Variants in ZKSCAN7 observed in about 807,000 individuals in gnomAD.
ZKSCAN7 encodes zinc finger protein with KRAB and SCAN domains 7.
A neutral mutation model predicts 65.3 loss-of-function variants in ZKSCAN7; 38 were observed. The observed-to-expected ratio is 0.58, with a 90% confidence interval of 0.45 to 0.76. The LOEUF (loss-of-function observed/expected upper bound fraction) is 0.76, where lower values mean the gene tolerates loss of function less well. ZKSCAN7 is among the 30% of genes least tolerant of loss of function. The probability of loss-of-function intolerance (pLI) is 0.00; values close to 1 mark genes in which losing one functional copy is unlikely to be tolerated. For missense variants in ZKSCAN7, 815 were observed against 913.3 expected (o/e 0.89, Z 1.39); for synonymous variants, 321 against 321.0 (o/e 1.00, Z 0.00).
rs1342122675 is a variant in ZKSCAN7, at chr3:44,571,219, C to T, written c.2109C>T (p.Ser703=). 1.2e-6 allele frequency: 2 copies of T among 1,614,118 alleles called. No individual in the cohort carries two copies. The highest frequency in any genetic ancestry group is 4.5e-5 in the East Asian group (2 of 44,852). ...ATTGTGGGAAAGCTTTTAGTGACAGCTCACAGCTTATTGTACACCAGAGAG... is the reference window on the plus strand; with the variant it reads ...ATTGTGGGAAAGCTTTTAGTGACAGTTCACAGCTTATTGTACACCAGAGAG... ...CNDCGKAFSD[S]SQLIVHQRVH... is the part of the protein sequence containing the mutation. The change falls in exon 6 of 6, where the codon AGC becomes AGT. Residue 703 remains serine, a synonymous_variant. Transcript: ENST00000426540.
At chr3:44,581,451 G>A (rs551061056) in intron 5 of ZKSCAN7, among the ~76,000 whole-genome samples, 106 of 152,324 alleles carry the variant, frequency 7.0e-4, no homozygotes, top group Middle Eastern at 3.4e-3. Flanking sequence ...GACTTTGTTT[G>A]ACATCAGATA....
Position 44,580,202 on chromosome 3 carries a change from C to G in ZKSCAN7, c.812-2770C>G. ...GCGGGGGCAGCTGCTGTTCTTCGGC[C>G]TTCAAGTCGTGTTTGGTCTTCTCCA... is the stretch of plus-strand genomic sequence containing the variant. On this transcript the variant is annotated intron_variant, in intron 5 of 5. Transcript: ENST00000341840. 5 of 1,612,006 alleles carry G rather than the reference C, an allele frequency of 3.1e-6. No homozygotes were observed. In the South Asian group the frequency reaches 5.5e-5, roughly 18 times the overall value.
At chr3:44,568,470 T>A in intron 5 of ZKSCAN7, 37 bp downstream of exon 5, 1 of 1,595,256 alleles carries the variant, frequency 6.3e-7, no homozygotes, top group Non-Finnish European at 8.5e-7. Context: ...AAAGTCTGCA[T>A]GCTGCACAAT....
rs1700026992 is a variant in ZKSCAN7, at chr3:44,579,975, T to TC, written c.812-2997_812-2996insC. On this transcript the variant is annotated intron_variant, in intron 5 of 5. Transcript: ENST00000341840. ...AGCCGAGGCGTCTGGGAGAGGAGCT[T>TC]GGGGGGGGGCTTCATTGGTGAAGTC... is the stretch of plus-strand genomic sequence containing the variant. 5.7e-6 allele frequency: 8 copies of TC among 1,411,260 alleles called. No individual in the cohort carries two copies. The Admixed American group carries it at 1.1e-4, about 19-fold the overall frequency. The allele number at this position is 1,411,260 out of a possible 1,614,324, so 87.4% of individuals were successfully genotyped here. A position where few individuals can be genotyped will look rare whatever the true frequency, so the allele number is the denominator to read the frequency against.
At chr3:44,568,076 C>A (rs564379195) in intron 4 of ZKSCAN7, 73 bp downstream of exon 4, 1 of 1,128,000 alleles carries the variant, frequency 8.9e-7, no homozygotes. Flanking sequence ...GTCTCACCCC[C>A]AGGACTCTGC....
At position 44,580,968 on chromosome 3, in the gene ZKSCAN7, C is replaced by A. The variant is rs1700064287; in HGVS notation, c.812-2004C>A. On this transcript the variant is annotated intron_variant, in intron 5 of 5. Coordinates refer to the ZKSCAN7 transcript ENST00000341840. The stretch of plus-strand genomic sequence containing the variant: ...GGGCTGGAAGCAGTTCTGACACTTG[C>A]TCTTGTTGAAGATGTTGGCCTGGAA... 6 of 1,612,178 alleles carry A rather than the reference C, an allele frequency of 3.7e-6. No homozygotes were observed. In the East Asian group the frequency reaches 1.3e-4, roughly 36 times the overall value.
At chr3:44,578,293 CT>C (rs1699968930) in intron 5 of ZKSCAN7, 3 of 1,583,366 alleles carry the variant, frequency 1.9e-6, no homozygotes, top group Non-Finnish European at 2.6e-6. Context: ...GTTTCAGGTA[CT>C]GTATTTCCGA....
chr3:44,577,816 A>C (rs1396506471), intron 5 of ZKSCAN7, among the ~76,000 whole-genome samples: 1 of 152,234 alleles, frequency 6.6e-6, no homozygotes, highest in African/African-American at 2.4e-5. Flanking sequence ...ACAGTTAACG[A>C]TGACAACAAC....
chr3:44,580,424 C>T (rs1700044617), intron 5 of ZKSCAN7: 6 of 1,600,100 alleles, frequency 3.7e-6, no homozygotes, highest in Admixed American at 1.7e-5. Flanking sequence ...TTTCTTCCTG[C>T]CAGAGTGTGG....
In ZKSCAN7 at chr3:44,565,479, C is replaced by G; in HGVS notation, c.424-8C>G. ...CTTTTGAACCCAATTGTATTTCCCT[C>G]TCTCTAGGTTTCAGCCCCAGCACAG... On this transcript the variant is annotated splice_polypyrimidine_tract_variant and splice_region_variant and intron_variant, in intron 2 of 5. Coordinates refer to ENST00000426540, the MANE Select transcript of ZKSCAN7 (RefSeq NM_001288590.2). 1 of 1,599,512 alleles carries G rather than the reference C, an allele frequency of 6.3e-7. No homozygotes were observed. The highest frequency in any genetic ancestry group is 8.5e-7 in the Non-Finnish European group (1 of 1,173,122).
chr3:44,573,415 G>A (rs1699861554), downstream of ZKSCAN7, among the ~76,000 whole-genome samples: 1 of 152,130 alleles, frequency 6.6e-6, no homozygotes, highest in Non-Finnish European at 1.5e-5. Flanking sequence ...AAGAAAGGGT[G>A]GAGTTGAGGC....
At chr3:44,580,565 C>A in intron 5 of ZKSCAN7, 1 of 1,613,998 alleles carries the variant, frequency 6.2e-7, no homozygotes, top group Non-Finnish European at 8.5e-7. Context: ...TCTTCTGATT[C>A]TGCTTGTTGG....
intron 5 of ZKSCAN7, chr3:44,581,134 C>A (rs1700073359): frequency 2.1e-6 from 2 of 968,100 alleles, no homozygotes; most frequent in Non-Finnish European, 2.5e-6. Flanking sequence ...CTGCCACAGG[C>A]CCTGACCGGC....
Position 44,557,265 on chromosome 3 carries a change from G to A in ZKSCAN7, c.218G>A (p.Ser73Asn), listed in dbSNP as rs35999747. The change falls in exon 2 of 6, where the codon AGC (serine) becomes AAC (asparagine). Residue 73 changes from serine to asparagine, a missense_variant. Physicochemically the swap from Ser to Asn is conservative, Grantham distance 46. Around this residue, in one of 3 missense-constraint regions of ZKSCAN7, gnomAD observed 227 missense variants for 253.3 expected, o/e 0.90. Coordinates refer to ENST00000426540, the MANE Select transcript of ZKSCAN7 (RefSeq NM_001288590.2). The part of the protein sequence containing the change: ...HEMSGPQEAL[S>N]RLRELCRWWL... ...ATGTCTGGGCCGCAGGAAGCATTGA[G>A]CCGGCTTCGGGAGCTCTGCCGCTGG... 1.2e-6 allele frequency: 2 copies of A among 1,614,286 alleles called. No homozygotes were observed. Among genetic ancestry groups the A allele is most frequent in the Non-Finnish European group, 1.7e-6 (2 of 1,180,056 alleles).
chr3:44,568,971 G>A (rs1699715647), intron 5 of ZKSCAN7, among the ~76,000 whole-genome samples: 1 of 152,096 alleles, frequency 6.6e-6, no homozygotes, highest in South Asian at 2.1e-4. Flanking sequence ...TTTTACACTT[G>A]TTGCTTGCTG....
At chr3:44,563,519 G>A (rs1023880869) in intron 2 of ZKSCAN7, among the ~76,000 whole-genome samples, 5 of 152,174 alleles carry the variant, frequency 3.3e-5, no homozygotes, top group Admixed American at 2.6e-4. Flanking sequence ...AAGTTGAAGA[G>A]GAAGCAAGGA....
chr3:44,560,588 C>T (rs796867343), intron 2 of ZKSCAN7, among the ~76,000 whole-genome samples: 1 of 148,462 alleles, frequency 6.7e-6, no homozygotes. Context: ...TCTCAGCTCA[C>T]TGCAAGCTCC....
downstream of ZKSCAN7, among the ~76,000 whole-genome samples, chr3:44,574,255 G>C (rs1575379891): frequency 6.6e-6 from 1 of 152,106 alleles, no homozygotes; most frequent in African/African-American, 2.4e-5. Context: ...TGGACTACAG[G>C]TGCATGCCAC....
chr3:44,578,792 C>T (rs1273005288), intron 5 of ZKSCAN7, among the ~76,000 whole-genome samples: 5 of 152,338 alleles, frequency 3.3e-5, no homozygotes, highest in South Asian at 2.1e-4. Context: ...CTCTAGCTCC[C>T]GCTGGTGCTG....
Sources: allele counts gnomAD v4.1 joint callset (sites outside exome capture counted in the v4.1 genomes callset), GRCh38; gene constraint gnomAD v4.1.1; regional missense constraint gnomAD v4.1.1; transcripts MANE v1.5; gene names NCBI Gene and HGNC (gene_info 2026-07-23, HGNC 2026-07-21).